Variants in GALNTL6 observed in about 807,000 individuals in gnomAD.
GALNTL6 encodes the protein polypeptide N-acetylgalactosaminyltransferase like 6, also known as polypeptide N-acetylgalactosaminyltransferase-like 6.
A neutral mutation model predicts 73.7 loss-of-function variants in GALNTL6; 46 were observed. The observed-to-expected ratio is 0.62, with a 90% CI of 0.49 to 0.80. The LOEUF (loss-of-function observed/expected upper bound fraction) is 0.80. GALNTL6 is among the 30% of genes least tolerant of loss of function. GALNTL6 has a pLI of 0.00. For synonymous variants in GALNTL6, 259 were observed against 263.7 expected (o/e 0.98, Z 0.17); for missense variants, 604 against 755.0 (o/e 0.80, Z 2.34).
chr4:172,733,055 C>T (rs565061095), intron 5 of GALNTL6, among the ~76,000 whole-genome samples: 3 of 152,220 alleles, frequency 2.0e-5, no homozygotes, highest in South Asian at 4.1e-4. Context: ...AATTTTGCAC[C>T]TTAGTGCTTT....
At chr4:171,907,395 T>A (rs2110955181) in intron 2 of GALNTL6, among the ~76,000 whole-genome samples, 1 of 152,154 alleles carries the variant, frequency 6.6e-6, no homozygotes, top group African/African-American at 2.4e-5. Context: ...CCATTCACAA[T>A]TGCTTCAAAG....
At chr4:172,435,612 C>A (rs955626601) in intron 5 of GALNTL6, among the ~76,000 whole-genome samples, 2 of 152,076 alleles carry the variant, frequency 1.3e-5, no homozygotes, top group African/African-American at 2.4e-5. Flanking sequence ...AAAATATAAG[C>A]TCTTCGAGGA....
Position 171,868,351 on chromosome 4 carries a change from C to T in GALNTL6, c.138+53633C>T, listed in dbSNP as rs560372434. Among the ~76,000 whole-genome samples the T allele has an allele frequency of 1.9e-3, 287 of 149,444 alleles. 4 individuals carry two copies. Among genetic ancestry groups the T allele is most frequent in the Non-Finnish European group, 6.9e-4 (47 of 67,904 alleles). On this transcript the variant is annotated intron_variant, in intron 2 of 12. Coordinates refer to ENST00000506823, the MANE Select transcript of GALNTL6 (RefSeq NM_001034845.3). ...TCATGTTTGTCTGCTCCTTACCCTA[C>T]GATTTTGATTCGCGTCTGTAAACAA...
chr4:172,830,465 A>G (rs1039086825), intron 7 of GALNTL6, among the ~76,000 whole-genome samples: 1 of 152,158 alleles, frequency 6.6e-6, no homozygotes, highest in Non-Finnish European at 1.5e-5. Flanking sequence ...CTGGTAAAAA[A>G]GTGAATTGTT....
At chr4:172,231,807 A>C (rs1260999955) in intron 3 of GALNTL6, among the ~76,000 whole-genome samples, 2 of 152,082 alleles carry the variant, frequency 1.3e-5, no homozygotes, top group Non-Finnish European at 2.9e-5. Context: ...TGCTTGTACA[A>C]ATGAGTTTTG....
At chr4:172,552,675 A>G (rs1448579361) in intron 5 of GALNTL6, among the ~76,000 whole-genome samples, 2 of 151,780 alleles carry the variant, frequency 1.3e-5, no homozygotes, top group African/African-American at 4.8e-5. Context: ...AAAGGTATCA[A>G]TTATCCCTTC....
At chr4:173,034,119 T>A (rs986148393) in intron 12 of GALNTL6, among the ~76,000 whole-genome samples, 5 of 152,190 alleles carry the variant, frequency 3.3e-5, no homozygotes, top group African/African-American at 1.2e-4. Flanking sequence ...ATCTCATTAA[T>A]CAGAATGCCC....
chr4:172,727,894 A>C (rs1366109005), intron 5 of GALNTL6, among the ~76,000 whole-genome samples: 1 of 151,592 alleles, frequency 6.6e-6, no homozygotes, highest in Non-Finnish European at 1.5e-5. Context: ...TTGAGGTAAA[A>C]AATACCATCT....
chr4:172,519,482 A>G (rs1449089724), intron 5 of GALNTL6, among the ~76,000 whole-genome samples: 1 of 150,190 alleles, frequency 6.7e-6, no homozygotes, highest in Non-Finnish European at 1.5e-5. Context: ...AATTACCTGA[A>G]TGTTTTCTTT....
chr4:171,818,438 A>G (rs1467821149), intron 2 of GALNTL6, among the ~76,000 whole-genome samples: 1 of 151,874 alleles, frequency 6.6e-6, no homozygotes, highest in African/African-American at 2.4e-5. Flanking sequence ...GAAATAATTC[A>G]AGAATATTTA....
At chr4:172,164,184 C>T (rs995494234) in intron 2 of GALNTL6, among the ~76,000 whole-genome samples, 5 of 151,894 alleles carry the variant, frequency 3.3e-5, no homozygotes, top group African/African-American at 4.8e-5. Flanking sequence ...TATTTTTACT[C>T]GTGTTCATTG....
At chr4:172,480,337 A>T (rs1733402515) in intron 5 of GALNTL6, among the ~76,000 whole-genome samples, 1 of 152,002 alleles carries the variant, frequency 6.6e-6, no homozygotes, top group African/African-American at 2.4e-5. Context: ...AAAAGTCATA[A>T]CTCGTGGTCT....
chr4:172,304,258 A>G (rs1319510125), intron 3 of GALNTL6, among the ~76,000 whole-genome samples: 2 of 152,204 alleles, frequency 1.3e-5, no homozygotes, highest in African/African-American at 4.8e-5. Context: ...TATGGCACTC[A>G]TAAAATATGT....
intron 5 of GALNTL6, among the ~76,000 whole-genome samples, chr4:172,678,713 T>C (rs1732449191): frequency 6.6e-6 from 1 of 152,222 alleles, no homozygotes. Context: ...TTTGTGGACA[T>C]AGAAAAAGCT....
chr4:172,369,982 G>T (rs186874202), intron 5 of GALNTL6, among the ~76,000 whole-genome samples: 1 of 152,340 alleles, frequency 6.6e-6, no homozygotes, highest in Admixed American at 6.5e-5. Context: ...GGCCAAGGAG[G>T]CGCCGAGAGC....
chr4:172,716,521 C>T (rs1335824457), intron 5 of GALNTL6, among the ~76,000 whole-genome samples: 1 of 151,982 alleles, frequency 6.6e-6, no homozygotes, highest in Admixed American at 6.6e-5. Flanking sequence ...CATTCCCAGT[C>T]GCTCCCTTGG....
Position 172,528,319 on chromosome 4 carries a change from AATATATATATATATATATATATATAT to A in GALNTL6, c.553+179651_553+179676del, listed in dbSNP as rs3083419. On this transcript the variant is annotated intron_variant, in intron 5 of 12. Coordinates refer to ENST00000506823, the MANE Select transcript of GALNTL6 (RefSeq NM_001034845.3). ...AATACATTTGGCTTGCTAGAAATAA[AATATATATATATATATATATATATAT>A]ATATATATATATATATATATGGTTA... Among the ~76,000 whole-genome samples, 795 of 103,700 alleles carry A rather than the reference AATATATATATATATATATATATATAT, an allele frequency of 7.7e-3. 17 individuals carry two copies. Among genetic ancestry groups the A allele is most frequent in the African/African-American group, 0.036 (746 of 20,616 alleles). 68.0% of individuals were successfully genotyped at this position (103,700 alleles called of 152,430 possible). A position where few individuals can be genotyped will look rare whatever the true frequency, so the allele number is the denominator to read the frequency against.
At chr4:172,005,195 G>A (rs1051761339) in intron 2 of GALNTL6, among the ~76,000 whole-genome samples, 1 of 151,864 alleles carries the variant, frequency 6.6e-6, no homozygotes, top group African/African-American at 2.4e-5. Context: ...CGCGATCTTG[G>A]CTCACTGCAA....
chr4:172,828,271 C>CA (rs35836916), intron 7 of GALNTL6, among the ~76,000 whole-genome samples: 31,445 of 122,088 alleles, frequency 0.26, 5,219 homozygotes, highest in African/African-American at 0.49. Context: ...GACTCCATCT[C>CA]AAAAAAAAAA....
Sources: allele counts gnomAD v4.1 joint callset (sites outside exome capture counted in the v4.1 genomes callset), GRCh38; gene constraint gnomAD v4.1.1; transcripts MANE v1.5; gene names NCBI Gene and HGNC (gene_info 2026-07-23, HGNC 2026-07-21).